RYR1: variants seen among roughly 807,000 people sequenced by gnomAD.
The protein encoded by RYR1 is ryanodine receptor 1.
A neutral mutation model predicts 583.5 loss-of-function variants in RYR1; 342 were observed. That is an observed-to-expected ratio of 0.59 (90% CI 0.54 to 0.64). The LOEUF (loss-of-function observed/expected upper bound fraction) is 0.64. Ranked by LOEUF, RYR1 falls within the 30% of genes least tolerant of loss-of-function variation. RYR1 has a pLI of 0.00. For missense variants in RYR1, 6,032 were observed against 6,917.2 expected, an observed-to-expected ratio of 0.87 and a Z score of 4.54; for synonymous variants, 2,791 against 2,822.5, an observed-to-expected ratio of 0.99 and a Z score of 0.35.
chr19:38,520,367 CTT>C (rs34261000), intron 67 of RYR1, among the ~76,000 whole-genome samples: 71 of 136,660 alleles, frequency 5.2e-4, no homozygotes, highest in Non-Finnish European at 5.5e-4. Context: ...CACTTAGCTG[CTT>C]TTTTTTTTTT....
chr19:38,473,473 C>G lies in RYR1; in HGVS notation c.3862C>G (p.Leu1288Val), dbSNP rs770888645. 1.9e-6 allele frequency: 3 copies of G among 1,613,790 alleles called. No individual in the cohort carries two copies. In the African/African-American group the frequency reaches 4.0e-5, roughly 22 times the overall value. The part of the protein sequence containing the change: ...SQNSLVEMLF[L>V]RLSLPVQFHQ... ...GAACAGCCTGGTGGAGATGCTTTTC[C>G]TGCGGCTGAGCCTCCCAGTCCAGTT... The change falls in exon 28 of 106, where the codon CTG (leucine) becomes GTG (valine). Residue 1288 changes from leucine (L) to valine (V), a missense_variant. Leu to Val is a conservative substitution (Grantham distance 32). Transcript: ENST00000359596.
intron 1 of RYR1, among the ~76,000 whole-genome samples, chr19:38,437,294 G>A (rs113560097): frequency 4.2e-4 from 64 of 151,924 alleles, no homozygotes; most frequent in Non-Finnish European, 3.4e-4. Flanking sequence ...CAAGTGATGC[G>A]CCCACCTTGG....
At chr19:38,505,138 A>T (rs1156597413) in intron 52 of RYR1, 57 bp downstream of exon 52, 71 of 1,507,828 alleles carry the variant, frequency 4.7e-5, no homozygotes, top group Non-Finnish European at 6.5e-5. Context: ...TTTCCCCCCG[A>T]CCTGGTTCTT....
chr19:38,461,677 G>A (rs569390091), intron 20 of RYR1, among the ~76,000 whole-genome samples: 1 of 136,438 alleles, frequency 7.3e-6, no homozygotes, highest in Admixed American at 8.1e-5. Flanking sequence ...AGTGAGCTAT[G>A]ATTGTGCCAC....
At chr19:38,586,293 T>A in intron 104 of RYR1, 102 bp downstream of exon 104, 1 of 1,208,052 alleles carries the variant, frequency 8.3e-7, no homozygotes, top group African/African-American at 1.5e-5. Context: ...GGGTGTAGTG[T>A]CCATGTGGGC....
At chr19:38,467,114 C>T (rs1968153201) in intron 24 of RYR1, among the ~76,000 whole-genome samples, 1 of 152,122 alleles carries the variant, frequency 6.6e-6, no homozygotes, top group Non-Finnish European at 1.5e-5. Flanking sequence ...TCACCCCTAC[C>T]CCTAACCTGA....
intron 89 of RYR1, among the ~76,000 whole-genome samples, chr19:38,551,986 C>T (rs922311223): frequency 6.6e-6 from 1 of 152,148 alleles, no homozygotes; most frequent in Non-Finnish European, 1.5e-5. Context: ...CTTGCTTTAT[C>T]AGTCAGTCTG....
chr19:38,468,048 TCATCCATCCATCCATC>T (rs753008033), intron 25 of RYR1, among the ~76,000 whole-genome samples: 2 of 67,636 alleles, frequency 3.0e-5, no homozygotes, highest in African/African-American at 1.0e-4. Context: ...CATCCATCCA[TCATCCATCCATCCATC>T]CATCCATCCA....
chr19:38,459,251 T>C lies in RYR1; in HGVS notation c.2273T>C (p.Ile758Thr). Residue 758 changes from isoleucine (I) to threonine (T), a missense_variant, in exon 19 of 106, where the codon ATC (isoleucine) becomes ACC (threonine). Ile to Thr is a moderately conservative substitution (Grantham distance 89). Transcript: ENST00000359596. ...AGCGTGCCGTCCATCTCCTTCCGCA[T>C]CAACGGCTGCCCCGTGCAGGGTGTC... ...DLSVPSISFR[I>T]NGCPVQGVFE... 1.2e-6 allele frequency: 2 copies of C among 1,614,106 alleles called. No homozygotes were observed. Among genetic ancestry groups the C allele is most frequent in the Non-Finnish European group, 1.7e-6 (2 of 1,179,992 alleles).
chr19:38,543,713 G>A lies in RYR1; in HGVS notation c.11907+53G>A. On this transcript the variant is annotated intron_variant, in intron 86 of 105. Transcript: ENST00000359596. The surrounding 1 kb of genome is among the most constrained non-coding windows in gnomAD (Gnocchi z 4.4). ...GGGAAGGGAGGGGGTCCCGCATCGT[G>A]ATCCCTGATCCCTTCTCGGGGATTC... 6.2e-7 allele frequency: 1 copy of A among 1,611,424 alleles called. No homozygotes were observed.
chr19:38,455,967 GTTTT>G (rs201725585), intron 16 of RYR1, among the ~76,000 whole-genome samples: 2 of 108,480 alleles, frequency 1.8e-5, no homozygotes, highest in Non-Finnish European at 3.7e-5. Flanking sequence ...TCTCTGAAAT[GTTTT>G]TTTTTTTTTT....
chr19:38,537,956 T>C lies in RYR1; in HGVS notation c.11685T>C (p.Asn3895=). Residue 3895 remains asparagine (N), a synonymous_variant, in exon 84 of 106, where the codon AAT becomes AAC. Transcript: ENST00000359596. ...RFLQLLCEGH[N]NDFQNYLRTQ... ...TACAATTGCTCTGTGAGGGGCACAA[T>C]AATGGTGAGGAGGAGGGGTGTGGGG... is the stretch of plus-strand genomic sequence containing the variant. 2 of 1,606,126 alleles carry C rather than the reference T, an allele frequency of 1.2e-6. No individual in the cohort carries two copies. Among genetic ancestry groups the C allele is most frequent in the Non-Finnish European group, 1.7e-6 (2 of 1,173,416 alleles).
intron 20 of RYR1, among the ~76,000 whole-genome samples, chr19:38,462,204 C>T (rs1967790731): frequency 6.6e-6 from 1 of 152,170 alleles, no homozygotes; most frequent in Admixed American, 6.5e-5. Context: ...CCCTGAGCCT[C>T]AGTTTGTTCC....
intron 59 of RYR1, 45 bp from the exon 60 acceptor site, chr19:38,510,615 C>T (rs1183764800): frequency 3.1e-6 from 5 of 1,588,512 alleles, no homozygotes; most frequent in Non-Finnish European, 4.3e-6. Context: ...CATAGGCTCT[C>T]CCCACCCCTC....
In RYR1 at chr19:38,523,947, G is replaced by A; in HGVS notation, c.10455+18G>A. On this transcript the variant is annotated intron_variant, in intron 70 of 105. Transcript: ENST00000359596. ...ATATACAGGTCAGCCCCACATCTGG[G>A]ACCTTCCGCATGTCTCTTGGCTAAT... 1.2e-6 allele frequency: 2 copies of A among 1,613,616 alleles called. No individual in the cohort carries two copies. The highest frequency in any genetic ancestry group is 1.7e-6 in the Non-Finnish European group (2 of 1,179,894).
At chr19:38,560,768 A>C (rs1368132450) in intron 89 of RYR1, among the ~76,000 whole-genome samples, 3 of 150,954 alleles carry the variant, frequency 2.0e-5, no homozygotes, top group African/African-American at 7.3e-5. Context: ...AAAAAGAAAA[A>C]AAAGCAAGTT....
rs1170708792 is a variant in RYR1 at position 38,565,170 on chromosome 19, C to T, written c.12836C>T (p.Ala4279Val). ...EAGAEGAEEG[A>V]AGLEGTAATA... ...GGCGCGGAAGGCGCGGAGGAGGGCG[C>T]GGCGGGGCTCGAGGGCACGGCGGCC... Residue 4279 changes from alanine (A) to valine (V), a missense_variant, in exon 91 of 106, where the codon GCG becomes GTG. Physicochemically the swap from Ala to Val is moderately conservative, Grantham distance 64 (BLOSUM62 0). Around this residue, in one of 11 missense-constraint regions of RYR1, gnomAD observed 753 missense variants for 759.6 expected, o/e 0.99. Coordinates refer to ENST00000359596, the MANE Select transcript of RYR1 (RefSeq NM_000540.3). The surrounding 1 kb of genome is among the most constrained non-coding windows in gnomAD (Gnocchi z 4.7). The T allele has an allele frequency of 7.3e-6, 10 of 1,368,444 alleles. No individual in the cohort carries two copies. The highest frequency in any genetic ancestry group is 5.6e-5 in the Admixed American group (2 of 36,032). The allele number at this position is 1,368,444 out of a possible 1,614,324, so 84.8% of individuals were successfully genotyped here.
intron 35 of RYR1, 53 bp from the exon 36 acceptor site, chr19:38,490,023 A>T: frequency 6.3e-7 from 1 of 1,580,096 alleles, no homozygotes; most frequent in Non-Finnish European, 8.7e-7. Context: ...GTTTCAAGGA[A>T]GTCCTGATGG....
At position 38,504,251 on chromosome 19, in the gene RYR1, A is replaced by G. The variant is rs199864636; in HGVS notation, c.7958A>G (p.Lys2653Arg). 6.2e-7 allele frequency: 1 copy of G among 1,613,988 alleles called. No homozygotes were observed. Among genetic ancestry groups the G allele is most frequent in the Non-Finnish European group, 8.5e-7 (1 of 1,180,008 alleles). ...ACCAACCACTATGAGCGCTGTTGGA[A>G]GTACTACTGCCTACCCACGGGCTGG... ...LLTNHYERCW[K>R]YYCLPTGWAN... Residue 2653 changes from lysine (K) to arginine (R), a missense_variant, in exon 50 of 106, where the codon AAG becomes AGG. Around this residue, in one of 11 missense-constraint regions of RYR1, gnomAD observed 1,493 missense variants for 1,715.5 expected, o/e 0.87. Coordinates refer to ENST00000359596, the MANE Select transcript of RYR1 (RefSeq NM_000540.3).
Sources: allele counts gnomAD v4.1 joint callset (sites outside exome capture counted in the v4.1 genomes callset), GRCh38; gene constraint gnomAD v4.1.1; regional missense constraint gnomAD v4.1.1; non-coding constraint Gnocchi (gnomAD v3.1); transcripts MANE v1.5; gene names NCBI Gene and HGNC (gene_info 2026-07-23, HGNC 2026-07-21).